The following SHANK2 variants were observed in gnomAD, a reference collection of about 807,000 sequenced individuals.
SHANK2 encodes SH3 and multiple ankyrin repeat domains 2, also known as SH3 and multiple ankyrin repeat domains protein 2.
A neutral mutation model predicts 133.7 loss-of-function variants in SHANK2; 43 were observed. That is an observed-to-expected ratio of 0.32 (90% CI 0.25 to 0.41). The LOEUF (loss-of-function observed/expected upper bound fraction) is 0.41, where lower values mean the gene tolerates loss of function less well. Among genes scored for constraint, SHANK2 ranks in the 10% least tolerant of loss-of-function variants. The probability of loss-of-function intolerance (pLI) is 1.00; values close to 1 mark genes in which losing one functional copy is unlikely to be tolerated. For missense variants in SHANK2, 1,994 were observed against 2,235.8 expected, an observed-to-expected ratio of 0.89 and a Z score of 2.18; for synonymous variants, 1,017 against 952.8, an observed-to-expected ratio of 1.07 and a Z score of -1.24.
intron 17 of SHANK2, among the ~76,000 whole-genome samples, chr11:70,639,185 T>C (rs374453690): frequency 2.9e-4 from 44 of 152,140 alleles, no homozygotes; most frequent in African/African-American, 9.2e-4. Context: ...GGGACCCAGA[T>C]GGCAGCCTCA....
chr11:70,489,364 C>T lies in SHANK2; in HGVS notation c.2552-16G>A. 1 of 1,613,660 alleles carries T rather than the reference C, an allele frequency of 6.2e-7. No individual in the cohort carries two copies. Among genetic ancestry groups the T allele is most frequent in the South Asian group, 1.1e-5 (1 of 91,062 alleles). The stretch of plus-strand genomic sequence containing the variant: ...ATTCTGCTGTCTGACAGGAGGAAAT[C>T]AGTTGTTATTAACCAGTAACCGCAA... On this transcript the variant is annotated splice_polypyrimidine_tract_variant and intron_variant, in intron 23 of 25. Coordinates refer to ENST00000601538, the MANE Select transcript of SHANK2 (RefSeq NM_012309.5).
intron 17 of SHANK2, among the ~76,000 whole-genome samples, chr11:70,548,156 C>T (rs944719337): frequency 3.3e-5 from 5 of 152,268 alleles, no homozygotes; most frequent in Admixed American, 6.5e-5. Context: ...TGCCAGCATC[C>T]GGGTGGGCTG....
chr11:70,860,388 G>T (rs767327529), intron 11 of SHANK2, among the ~76,000 whole-genome samples: 4 of 152,320 alleles, frequency 2.6e-5, no homozygotes. Context: ...AAGGTGACGG[G>T]TCTCTTTATG....
intron 9 of SHANK2, among the ~76,000 whole-genome samples, chr11:71,064,394 T>G (rs1294405274): frequency 1.3e-5 from 2 of 151,686 alleles, no homozygotes; most frequent in African/African-American, 4.8e-5. Flanking sequence ...AGAACCGAAG[T>G]AGAAACCGGC....
chr11:70,544,362 G>A (rs372591791), intron 17 of SHANK2, among the ~76,000 whole-genome samples: 1 of 152,248 alleles, frequency 6.6e-6, no homozygotes, highest in Admixed American at 6.5e-5. Flanking sequence ...CCCACGCGTA[G>A]GACCTTCCAG....
At chr11:70,624,365 G>A (rs374540633) in intron 17 of SHANK2, among the ~76,000 whole-genome samples, 1 of 151,980 alleles carries the variant, frequency 6.6e-6, no homozygotes, top group African/African-American at 2.4e-5. Context: ...ATTCCTGCCA[G>A]CTCTGCGGCC....
chr11:70,620,807 T>C (rs1290469037), intron 17 of SHANK2, among the ~76,000 whole-genome samples: 2 of 152,120 alleles, frequency 1.3e-5, no homozygotes, highest in African/African-American at 4.8e-5. Context: ...CTCTCTCCTC[T>C]CTCTGCCATG....
chr11:71,119,566 G>A (rs1437478264), intron 3 of SHANK2, among the ~76,000 whole-genome samples: 3 of 122,262 alleles, frequency 2.5e-5, no homozygotes, highest in African/African-American at 6.9e-5. Context: ...GCGACAAGGC[G>A]AGACTCCATC....
rs2058577812 is a variant in SHANK2 at position 70,469,897 on chromosome 11, T to A, written c.*2972A>T. The A allele has an allele frequency of 6.6e-6, 1 of 152,616 alleles. No individual in the cohort carries two copies. The highest frequency in any genetic ancestry group is 2.1e-4 in the South Asian group (1 of 4,832). The allele number at this position is 152,616 out of a possible 1,614,324, so 9.5% of individuals were successfully genotyped here. Reference sequence around the variant, plus strand: ...CCTGGAAAAGGTATCTTGGCAGGTATACATAATTTACATTTTGAGAGATTT... The same window carrying A: ...CCTGGAAAAGGTATCTTGGCAGGTAAACATAATTTACATTTTGAGAGATTT... On this transcript the variant is annotated 3_prime_UTR_variant, in exon 26 of 26. Coordinates refer to ENST00000601538, the MANE Select transcript of SHANK2 (RefSeq NM_012309.5).
intron 10 of SHANK2, among the ~76,000 whole-genome samples, chr11:70,937,492 T>C (rs186257405): frequency 1.3e-5 from 2 of 152,342 alleles, no homozygotes; most frequent in Admixed American, 6.5e-5. Flanking sequence ...TCCCAGATCC[T>C]ACAACTTCCT....
At chr11:70,823,679 G>A (rs1215399330) in intron 11 of SHANK2, among the ~76,000 whole-genome samples, 4 of 148,882 alleles carry the variant, frequency 2.7e-5, no homozygotes, top group South Asian at 2.2e-4. Context: ...AGGGACAGAG[G>A]TGGCGCTGGC....
intron 17 of SHANK2, among the ~76,000 whole-genome samples, chr11:70,641,080 CTTT>C (rs1320841246): frequency 6.7e-6 from 1 of 148,780 alleles, no homozygotes; most frequent in East Asian, 2.0e-4. Flanking sequence ...CTTTACTATG[CTTT>C]TTTTTCTTTT....
In SHANK2 at chr11:70,669,714, C is replaced by T. The variant is rs923224165; in HGVS notation, c.1854-8036G>A. 5 of 152,578 alleles carry T rather than the reference C, an allele frequency of 3.3e-5. No homozygotes were observed. The East Asian group carries it at 9.6e-4, about 29-fold the overall frequency. The allele number at this position is 152,578 out of a possible 1,614,324, so 9.5% of individuals were successfully genotyped here. A position where few individuals can be genotyped will look rare whatever the true frequency, so the allele number is the denominator to read the frequency against. On this transcript the variant is annotated intron_variant, in intron 15 of 25. Coordinates refer to ENST00000601538, the MANE Select transcript of SHANK2 (RefSeq NM_012309.5). The stretch of plus-strand genomic sequence containing the variant: ...CAGTGCGGTTAATCTCTGTTGAATT[C>T]AGTGTCTCTGATATTTAACACGGGG...
intron 14 of SHANK2, among the ~76,000 whole-genome samples, chr11:70,715,443 G>A (rs1043870972): frequency 6.6e-6 from 1 of 152,198 alleles, no homozygotes; most frequent in African/African-American, 2.4e-5. Flanking sequence ...CCTTCTTGCA[G>A]CTCTCGGGCC....
chr11:70,726,698 T>C (rs994172414), intron 14 of SHANK2, among the ~76,000 whole-genome samples: 3 of 152,218 alleles, frequency 2.0e-5, no homozygotes, highest in South Asian at 4.1e-4. Context: ...TACACCCGTA[T>C]GCGATATGAC....
chr11:70,850,145 G>A (rs1404554439), intron 11 of SHANK2, among the ~76,000 whole-genome samples: 3 of 152,116 alleles, frequency 2.0e-5, no homozygotes, highest in Admixed American at 1.3e-4. Context: ...GTGCCCTCAA[G>A]GTCTCTCCAT....
intron 14 of SHANK2, among the ~76,000 whole-genome samples, chr11:70,716,761 G>A (rs922727801): frequency 6.6e-6 from 1 of 152,282 alleles, no homozygotes; most frequent in East Asian, 1.9e-4. Flanking sequence ...GAAGACCAGC[G>A]GGGAGACTGG....
chr11:70,650,470 A>G (rs2061326763), intron 17 of SHANK2, among the ~76,000 whole-genome samples: 1 of 152,182 alleles, frequency 6.6e-6, no homozygotes, highest in Non-Finnish European at 1.5e-5. Flanking sequence ...AGTGCCCTGG[A>G]GTGGTTCAGC....
intron 5 of SHANK2, 127 bp from the exon 6 acceptor site, chr11:71,110,176 C>T (rs573965323): frequency 8.4e-5 from 57 of 679,322 alleles, no homozygotes; most frequent in African/African-American, 7.0e-4. Context: ...CGGTGGCTCA[C>T]GCCTGTAATC....
Sources: gnomAD v4.1 joint callset for allele counts (sites outside exome capture counted in the v4.1 genomes callset) on GRCh38, gnomAD v4.1.1 for gene constraint, MANE v1.5 for transcripts, NCBI Gene and HGNC (gene_info 2026-07-23, HGNC 2026-07-21) for gene names.